The following SRGAP1 variants were observed in gnomAD, a reference collection of about 807,000 sequenced individuals.
SRGAP1 encodes the protein SLIT-ROBO Rho GTPase-activating protein 1.
Under a neutral mutation model 121.9 loss-of-function variants are expected in SRGAP1, and 43 were observed. The observed-to-expected ratio is 0.35, with a 90% CI of 0.28 to 0.46. The LOEUF (loss-of-function observed/expected upper bound fraction) is 0.46, where lower values mean the gene tolerates loss of function less well. Among genes scored for constraint, SRGAP1 ranks in the 20% least tolerant of loss-of-function variants. The pLI, the probability that SRGAP1 is intolerant of heterozygous loss-of-function variation, is 1.00. For missense variants in SRGAP1, 1,102 were observed against 1,350.9 expected, an observed-to-expected ratio of 0.82 and a Z score of 2.89; for synonymous variants, 447 against 485.4, an observed-to-expected ratio of 0.92 and a Z score of 1.04.
chr12:64,047,035 C>T (rs967524205), intron 6 of SRGAP1, among the ~76,000 whole-genome samples: 2 of 152,158 alleles, frequency 1.3e-5, no homozygotes, highest in Admixed American at 6.6e-5. Context: ...ATCTAATTGA[C>T]TCTGACCTAA....
In SRGAP1 at chr12:64,128,023, C is replaced by A; in HGVS notation, c.2703C>A (p.Gly901=). Residue 901 remains glycine, a synonymous_variant, in exon 21 of 22, where the codon GGC becomes GGA. Coordinates refer to ENST00000355086, the MANE Select transcript of SRGAP1 (RefSeq NM_020762.4). ...SHPRGLLQNR[G]LNNDSPERRR... is the part of the protein sequence containing the mutation. ...CCCGGGGCCTGCTGCAGAACCGTGG[C>A]CTCAACAATGACAGTCCTGAGCGGA... The A allele has an allele frequency of 6.2e-7, 1 of 1,614,150 alleles. No individual in the cohort carries two copies. Among genetic ancestry groups the A allele is most frequent in the Non-Finnish European group, 8.5e-7 (1 of 1,180,034 alleles).
At chr12:63,893,017 AAC>A in intron 1 of SRGAP1, among the ~76,000 whole-genome samples, 1 of 152,222 alleles carries the variant, frequency 6.6e-6, no homozygotes, top group Non-Finnish European at 1.5e-5. Flanking sequence ...GAAGAAGAGC[AAC>A]ACAGTAAATT....
chr12:63,979,936 C>T (rs1183035680), intron 1 of SRGAP1, among the ~76,000 whole-genome samples: 1 of 152,228 alleles, frequency 6.6e-6, no homozygotes, highest in African/African-American at 2.4e-5. Flanking sequence ...TCACCACTTC[C>T]AGCTTTAATG....
intron 3 of SRGAP1, among the ~76,000 whole-genome samples, chr12:64,000,375 G>A (rs568688172): frequency 6.6e-6 from 1 of 151,918 alleles, no homozygotes; most frequent in Admixed American, 6.6e-5. Flanking sequence ...TTGGGAGGCT[G>A]AAGTGGGAGG....
intron 18 of SRGAP1, among the ~76,000 whole-genome samples, chr12:64,118,072 T>A (rs920557175): frequency 6.6e-6 from 1 of 152,206 alleles, no homozygotes; most frequent in Non-Finnish European, 1.5e-5. Flanking sequence ...GGAGTGCTCT[T>A]CAAGATCCTG....
intron 1 of SRGAP1, among the ~76,000 whole-genome samples, chr12:63,949,896 A>T (rs1438721779): frequency 6.6e-6 from 1 of 152,196 alleles, no homozygotes; most frequent in Non-Finnish European, 1.5e-5. Flanking sequence ...ATACACAAAA[A>T]TTCCCTTCCC....
At chr12:63,947,241 A>G (rs939634669) in intron 1 of SRGAP1, among the ~76,000 whole-genome samples, 1 of 152,184 alleles carries the variant, frequency 6.6e-6, no homozygotes, top group African/African-American at 2.4e-5. Context: ...GTACCATTTT[A>G]CAATTTCACC....
rs2037113124 is a variant in SRGAP1 at position 64,150,934 on chromosome 12, C to CAGAAAAAAAAAAAAAAAAAAAAAA, written c.*8263_*8264insGAAAAAAAAAAAAAAAAAAAAAAA. On this transcript the variant is annotated 3_prime_UTR_variant, in exon 22 of 22. Transcript: ENST00000355086. ...TGGGTGGAAGAGTGAGAAGCTATCTCAAAAAAAAAAAAAAAAAAAAAAAAA... is the reference window on the plus strand; with the variant it reads ...TGGGTGGAAGAGTGAGAAGCTATCTCAGAAAAAAAAAAAAAAAAAAAAAAAAAAAAAAAAAAAAAAAAAAAAAAA... 4.0e-5 allele frequency: 1 copy of CAGAAAAAAAAAAAAAAAAAAAAAA among 24,706 alleles called. No homozygotes were observed. The highest frequency in any genetic ancestry group is 8.9e-5 in the African/African-American group (1 of 11,206). 1.5% of individuals were successfully genotyped at this position (24,706 alleles called of 1,614,324 possible). A position where few individuals can be genotyped will look rare whatever the true frequency, so the allele number is the denominator to read the frequency against.
chr12:63,889,389 G>C (rs997799549), intron 1 of SRGAP1, among the ~76,000 whole-genome samples: 1 of 152,188 alleles, frequency 6.6e-6, no homozygotes, highest in Non-Finnish European at 1.5e-5. Context: ...GGCGGCAACA[G>C]CTTCTGGCCT....
rs184937300 is a variant in SRGAP1, at chr12:64,061,184, A to G, written c.802-1733A>G. The stretch of plus-strand genomic sequence containing the variant: ...CAAATGCAAATTAAAGATAATGAAG[A>G]TTCAAGAATCTCAAAGCTGTTATAT... On this transcript the variant is annotated intron_variant, in intron 6 of 21. Transcript: ENST00000355086. 2.6e-5 allele frequency among the ~76,000 whole-genome samples: 4 copies of G among 152,312 alleles called. No individual in the cohort carries two copies. In the East Asian group the frequency reaches 7.7e-4, roughly 29 times the overall value.
At position 64,137,961 on chromosome 12, in the gene SRGAP1, A is replaced by ATATATAT. The variant is rs1555177364; in HGVS notation, c.2881-4334_2881-4333insTATATAT. Among the ~76,000 whole-genome samples the ATATATAT allele has an allele frequency of 9.4e-4, 131 of 139,680 alleles. 1 individual carries two copies. In the East Asian group the frequency reaches 0.013, roughly 14 times the overall value. 91.6% of individuals were successfully genotyped at this position (139,680 alleles called of 152,430 possible). The stretch of plus-strand genomic sequence containing the variant: ...CTTTCTTAATTGTGCTTAAAAAAAA[A>ATATATAT]ATATATATATATATATATATAAAAA... On this transcript the variant is annotated intron_variant, in intron 21 of 21. Transcript: ENST00000355086.
rs202147734 is a variant in SRGAP1, at chr12:63,978,462, CTG to C, written c.68-5482_68-5481del. On this transcript the variant is annotated intron_variant, in intron 1 of 21. Coordinates refer to ENST00000355086, the MANE Select transcript of SRGAP1 (RefSeq NM_020762.4). ...CCTTTCATAGGAATGAAATTATAGACTGTGGTTTTTTGTGAGTGGTTTCACTC... is the reference window on the plus strand; with the variant it reads ...CCTTTCATAGGAATGAAATTATAGACTGGTTTTTTGTGAGTGGTTTCACTC... Among the ~76,000 whole-genome samples the C allele has an allele frequency of 8.4e-3, 1,279 of 152,230 alleles. 20 individuals are homozygous for C. The highest frequency in any genetic ancestry group is 0.029 in the African/African-American group (1,201 of 41,536).
At position 63,949,172 on chromosome 12, in the gene SRGAP1, T is replaced by TCATATATGTA. The variant is rs1565964563; in HGVS notation, c.68-34775_68-34774insCATATATGTA. Among the ~76,000 whole-genome samples, 66 of 92,616 alleles carry TCATATATGTA rather than the reference T, an allele frequency of 7.1e-4. 1 individual carries two copies. The highest frequency in any genetic ancestry group is 8.2e-3 in the Middle Eastern group (1 of 122). 60.8% of individuals were successfully genotyped at this position (92,616 alleles called of 152,430 possible). On this transcript the variant is annotated intron_variant, in intron 1 of 21. Transcript: ENST00000355086. ...ATATATGTATTTTCCATATATATAT[T>TCATATATGTA]TTTTCCATATATATTTTTTTTTCCA...
chr12:63,939,738 C>A (rs1372249660), intron 1 of SRGAP1, among the ~76,000 whole-genome samples: 3 of 152,286 alleles, frequency 2.0e-5, no homozygotes, highest in African/African-American at 7.2e-5. Flanking sequence ...AGCATCTTCT[C>A]CCAAGGGTGC....
chr12:63,939,891 A>C (rs550763319), intron 1 of SRGAP1, among the ~76,000 whole-genome samples: 154 of 152,260 alleles, frequency 1.0e-3, no homozygotes, highest in African/African-American at 3.5e-3. Flanking sequence ...TCTCAAGTCC[A>C]GTGAGTGTGT....
chr12:64,010,277 A>G (rs2136453608), intron 3 of SRGAP1, among the ~76,000 whole-genome samples: 1 of 152,306 alleles, frequency 6.6e-6, no homozygotes, highest in Non-Finnish European at 1.5e-5. Flanking sequence ...AAAAGGCCAT[A>G]GGCCTTCTGA....
chr12:64,031,317 C>CAAA lies in SRGAP1; in HGVS notation c.490-11456_490-11454dup, dbSNP rs578019090. On this transcript the variant is annotated intron_variant, in intron 4 of 21. Transcript: ENST00000355086. ...TGAGCGACAGAGCAAGACTCTGTCT[C>CAAA]AAAAAAAAAAAAAAAAAAATAGCTG... Among the ~76,000 whole-genome samples the CAAA allele has an allele frequency of 4.5e-3, 434 of 95,620 alleles. 4 individuals are homozygous for CAAA. Among genetic ancestry groups the CAAA allele is most frequent in the Non-Finnish European group, 7.1e-3 (350 of 49,578 alleles). The allele number at this position is 95,620 out of a possible 152,430, so 62.7% of individuals were successfully genotyped here.
intron 4 of SRGAP1, among the ~76,000 whole-genome samples, chr12:64,029,605 G>A (rs954695663): frequency 6.6e-6 from 1 of 152,176 alleles, no homozygotes; most frequent in Non-Finnish European, 1.5e-5. Context: ...AAAGAGGAGA[G>A]TGTGTGACGG....
intron 1 of SRGAP1, among the ~76,000 whole-genome samples, chr12:63,900,207 T>TTTTTTCTTTC (rs1565942263): frequency 1.2e-4 from 12 of 100,946 alleles, no homozygotes; most frequent in Admixed American, 3.8e-4. Context: ...TCTTTTTCTT[T>TTTTTTCTTTC]TTTTTTTTTT....
Sources: allele counts gnomAD v4.1 joint callset (sites outside exome capture counted in the v4.1 genomes callset), GRCh38; gene constraint gnomAD v4.1.1; transcripts MANE v1.5; gene names NCBI Gene and HGNC (gene_info 2026-07-23, HGNC 2026-07-21).